Variants in SCNN1A observed in about 807,000 individuals in gnomAD.
SCNN1A encodes the protein sodium channel epithelial 1 subunit alpha, also known as epithelial sodium channel subunit alpha.
In SCNN1A, 65 loss-of-function variants were observed where a neutral mutation model predicts 68.6. That is an observed-to-expected ratio of 0.95 (90% confidence interval 0.78 to 1.16). The LOEUF (loss-of-function observed/expected upper bound fraction) is 1.16, where lower values mean the gene tolerates loss of function less well. Among genes scored for constraint, SCNN1A ranks in the 50% most tolerant of loss-of-function variants. The probability of loss-of-function intolerance (pLI) is 0.00; values close to 1 mark genes in which losing one functional copy is unlikely to be tolerated. For synonymous variants in SCNN1A, 357 were observed against 353.3 expected, an observed-to-expected ratio of 1.01 and a Z score of -0.12; for missense variants, 880 against 865.9, an observed-to-expected ratio of 1.02 and a Z score of -0.20.
rs998011660 is a variant in SCNN1A, at chr12:6,347,075, T to C, written c.*798A>G. 6.6e-6 allele frequency: 1 copy of C among 152,524 alleles called. No individual in the cohort carries two copies. The highest frequency in any genetic ancestry group is 1.5e-5 in the Non-Finnish European group (1 of 68,162). The allele number at this position is 152,524 out of a possible 1,614,324, so 9.4% of individuals were successfully genotyped here. A position where few individuals can be genotyped will look rare whatever the true frequency, so the allele number is the denominator to read the frequency against. On this transcript the variant is annotated 3_prime_UTR_variant, in exon 13 of 13. Transcript: ENST00000228916. ...CCAGGAGAAGGCGGAGTGATCAATTTTGGGGAAGACAAGATGTGGCAGAAG... is the reference window on the plus strand; with the variant it reads ...CCAGGAGAAGGCGGAGTGATCAATTCTGGGGAAGACAAGATGTGGCAGAAG...
upstream of SCNN1A, chr12:6,376,073 G>T: frequency 1.0e-6 from 1 of 990,520 alleles, no homozygotes; most frequent in Non-Finnish European, 1.2e-6. Context: ...GGAGCTAGAG[G>T]CTCAGCAAGT....
intron 8 of SCNN1A, chr12:6,349,815 C>T (rs1948344592): frequency 9.8e-6 from 2 of 203,716 alleles, no homozygotes; most frequent in Admixed American, 1.1e-4. Flanking sequence ...CAAGCTCCGC[C>T]TCCCGGGTTC....
At chr12:6,369,646 C>T (rs1592082789) in intron 2 of SCNN1A, among the ~76,000 whole-genome samples, 1 of 152,186 alleles carries the variant, frequency 6.6e-6, no homozygotes, top group East Asian at 1.9e-4. Context: ...TCCTGGCTAA[C>T]ACGGCGAAAC....
At position 6,374,344 on chromosome 12, in the gene SCNN1A, G is replaced by A; in HGVS notation, c.416+24C>T. The A allele has an allele frequency of 3.1e-6, 5 of 1,612,420 alleles. No individual in the cohort carries two copies. The highest frequency in any genetic ancestry group is 4.2e-6 in the Non-Finnish European group (5 of 1,178,614). ...CACCCTTCCAGGCGCAGGCACCAGG[G>A]AAGGGGCAGAGGGACTAACCGACCT... On this transcript the variant is annotated intron_variant, in intron 2 of 12. Transcript: ENST00000228916. The surrounding 1 kb of genome is among the most constrained non-coding windows in gnomAD (Gnocchi z 6.2).
In SCNN1A at chr12:6,363,616, C is replaced by G. The variant is rs1948621952; in HGVS notation, c.511G>C (p.Val171Leu). 1 of 1,613,112 alleles carries G rather than the reference C, an allele frequency of 6.2e-7. No homozygotes were observed. The highest frequency in any genetic ancestry group is 8.5e-7 in the Non-Finnish European group (1 of 1,179,576). ...TCGCGACGGCTGCGGGAGCCGGCCA[C>G]GAGAGTGGTGAAGGAGCTGTATTTG... Reference protein sequence around the residue: ...LYKYSSFTTLVAGSRSRRDLR... With the variant: ...LYKYSSFTTLLAGSRSRRDLR... Residue 171 changes from valine to leucine, a missense_variant, in exon 3 of 13, where the codon GTG (valine) becomes CTG (leucine). By Grantham distance (32) the Val-to-Leu change is conservative. Coordinates refer to ENST00000228916, the MANE Select transcript of SCNN1A (RefSeq NM_001038.6).
rs181065138 is a variant in SCNN1A at position 6,355,367 on chromosome 12, G to C, written c.1048C>G (p.Arg350Gly). ...TCATCCTGCCCGTGCACCATTACCC[G>C]GGCCCCAGTCACTGTGGACAGCAGG... is the stretch of plus-strand genomic sequence containing the variant. ...IPLLSTVTGA[R>G]VMVHGQDEPA... is the part of the protein sequence containing the mutation. Residue 350 changes from arginine to glycine, a missense_variant, in exon 6 of 13, where the codon CGG becomes GGG. This residue lies in a region of SCNN1A where 758 missense variants were observed against 721.8 expected (regional missense o/e 1.05). Coordinates refer to ENST00000228916, the MANE Select transcript of SCNN1A (RefSeq NM_001038.6). 21 of 1,613,830 alleles carry C rather than the reference G, an allele frequency of 1.3e-5. No individual in the cohort carries two copies. The highest frequency in any genetic ancestry group is 1.8e-5 in the Non-Finnish European group (21 of 1,179,962).
chr12:6,375,791 A>G, upstream of SCNN1A: 1 of 1,389,398 alleles, frequency 7.2e-7, no homozygotes, highest in Non-Finnish European at 9.3e-7. Flanking sequence ...AACAAGTAGA[A>G]GGATCCTGAG....
At chr12:6,365,947 C>T (rs375671050) in intron 2 of SCNN1A, among the ~76,000 whole-genome samples, 3 of 152,084 alleles carry the variant, frequency 2.0e-5, no homozygotes, top group Non-Finnish European at 2.9e-5. Flanking sequence ...GCTCCGCCTC[C>T]GGGTTCACGC....
chr12:6,349,576 G>T (rs1948336163), intron 8 of SCNN1A, among the ~76,000 whole-genome samples, 171 bp from the exon 9 acceptor site: 3 of 152,092 alleles, frequency 2.0e-5, no homozygotes, highest in African/African-American at 7.2e-5. Context: ...ATTAAGCTAA[G>T]CCAGGGACAG....
intron 6 of SCNN1A, 60 bp from the exon 7 acceptor site, chr12:6,354,908 C>T: frequency 1.5e-6 from 2 of 1,372,982 alleles, no homozygotes; most frequent in Non-Finnish European, 2.1e-6. Flanking sequence ...GGGTTCTCTG[C>T]CTTCCCTCAG....
intron 8 of SCNN1A, among the ~76,000 whole-genome samples, chr12:6,353,242 T>A (rs1230689580): frequency 6.6e-6 from 1 of 151,824 alleles, no homozygotes; most frequent in Non-Finnish European, 1.5e-5. Flanking sequence ...AAAAAAAAAA[T>A]CTTAAACAGG....
At chr12:6,370,208 A>G (rs1191111958) in intron 2 of SCNN1A, among the ~76,000 whole-genome samples, 2 of 152,210 alleles carry the variant, frequency 1.3e-5, no homozygotes, top group Non-Finnish European at 2.9e-5. Context: ...ACTGAGGCCT[A>G]TCAACTAGGC....
intron 2 of SCNN1A, among the ~76,000 whole-genome samples, chr12:6,367,135 G>A (rs1047229086): frequency 2.6e-5 from 4 of 152,118 alleles, no homozygotes; most frequent in Non-Finnish European, 4.4e-5. Flanking sequence ...CTACTCAGAA[G>A]ACTGAGGCAG....
rs1365085910 is a variant in SCNN1A, at chr12:6,363,573, G to A, written c.554C>T (p.Pro185Leu). The part of the protein sequence containing the change: ...RSRRDLRGTL[P>L]HPLQRLRVPP... Reference sequence around the variant, plus strand: ...GACCCTCAGGCGCTGCAAGGGGTGCGGCAGAGTCCCCCGCAGGTCGCGACG... The same window carrying A: ...GACCCTCAGGCGCTGCAAGGGGTGCAGCAGAGTCCCCCGCAGGTCGCGACG... The change falls in exon 3 of 13, where the codon CCG (proline) becomes CTG (leucine). Residue 185 changes from proline to leucine, a missense_variant. By Grantham distance (98) the Pro-to-Leu change is moderately conservative. This residue lies in a region of SCNN1A where 758 missense variants were observed against 721.8 expected (regional missense o/e 1.05). Transcript: ENST00000228916. 6 of 1,611,642 alleles carry A rather than the reference G, an allele frequency of 3.7e-6. No homozygotes were observed. Among genetic ancestry groups the A allele is most frequent in the South Asian group, 3.3e-5 (3 of 90,788 alleles).
At chr12:6,360,274 G>T (rs1233970283) in intron 4 of SCNN1A, among the ~76,000 whole-genome samples, 1 of 152,160 alleles carries the variant, frequency 6.6e-6, no homozygotes, top group Non-Finnish European at 1.5e-5. Context: ...GCTGACCTAA[G>T]CGCCTAAGTG....
chr12:6,376,150 G>T (rs1948904716), upstream of SCNN1A: 1 of 983,948 alleles, frequency 1.0e-6, no homozygotes. Context: ...GAGAGAAGAG[G>T]TCTCTGCAGG....
chr12:6,348,151 C>A lies in SCNN1A; in HGVS notation c.1732G>T (p.Val578Phe), dbSNP rs753200672. The change falls in exon 13 of 13, where the codon GTC becomes TTC. Residue 578 changes from valine to phenylalanine, a missense_variant. Around this residue, in one of 3 missense-constraint regions of SCNN1A, gnomAD observed 758 missense variants for 721.8 expected, o/e 1.05. Transcript: ENST00000228916. ...CGGAGCAGCATGAGGAACATGATGA[C>A]CAGCAGGTCAAAGACGAGCTCAGCC... ...EMAELVFDLLVIMFLMLLRRF... is the reference protein window; with the variant it reads ...EMAELVFDLLFIMFLMLLRRF... The A allele has an allele frequency of 1.2e-6, 2 of 1,614,124 alleles. No individual in the cohort carries two copies. The highest frequency in any genetic ancestry group is 1.7e-6 in the Non-Finnish European group (2 of 1,180,020).
chr12:6,355,621 G>A (rs540338632), intron 5 of SCNN1A, among the ~76,000 whole-genome samples, 156 bp downstream of exon 5: 20 of 152,330 alleles, frequency 1.3e-4, no homozygotes, highest in African/African-American at 4.3e-4. Flanking sequence ...GACCTGGGAC[G>A]GGATTCCTCT....
chr12:6,374,152 G>A lies in SCNN1A; in HGVS notation c.416+216C>T, dbSNP rs571194648. 6.6e-6 allele frequency among the ~76,000 whole-genome samples: 1 copy of A among 152,326 alleles called. No individual in the cohort carries two copies. Among genetic ancestry groups the A allele is most frequent in the Admixed American group, 6.5e-5 (1 of 15,308 alleles). The stretch of plus-strand genomic sequence containing the variant: ...AATGCTGCTCCAACAACCACACTCT[G>A]GGTGAGCCTGGGGTGCTAGGATGGC... On this transcript the variant is annotated intron_variant, in intron 2 of 12. Transcript: ENST00000228916. The surrounding 1 kb of genome is among the most constrained non-coding windows in gnomAD (Gnocchi z 6.2).
Sources: allele counts gnomAD v4.1 joint callset (sites outside exome capture counted in the v4.1 genomes callset), GRCh38; gene constraint gnomAD v4.1.1; regional missense constraint gnomAD v4.1.1; non-coding constraint Gnocchi (gnomAD v3.1); transcripts MANE v1.5; gene names NCBI Gene and HGNC (gene_info 2026-07-23, HGNC 2026-07-21).